Variants in BCAS3 observed in about 807,000 individuals in gnomAD.
BCAS3 encodes BCAS3 microtubule associated cell migration factor.
BCAS3 carries 53 observed loss-of-function variants against 116.1 expected under a neutral mutation model. The ratio of observed to expected loss-of-function variants is 0.46; its 90% confidence interval spans 0.37 to 0.57. The LOEUF (loss-of-function observed/expected upper bound fraction) is 0.57, where lower values mean the gene tolerates loss of function less well. Among genes scored for constraint, BCAS3 ranks in the 20% least tolerant of loss-of-function variants. The pLI, the probability that BCAS3 is intolerant of heterozygous loss-of-function variation, is 0.00. For missense variants in BCAS3, 917 were observed against 1,165.4 expected (o/e 0.79, Z 3.10); for synonymous variants, 391 against 408.2 (o/e 0.96, Z 0.51).
rs1233260081 is a variant in BCAS3, at chr17:61,205,072, C to T, written c.2425+120508C>T. On this transcript the variant is annotated intron_variant, in intron 22 of 23. Transcript: ENST00000407086. This position sits in a 1 kb window ranked among gnomAD's most constrained non-coding sequence, Gnocchi z 5.2. Reference sequence around the variant, plus strand: ...TGACAGGATAAAAATTTAGGGAGGCCGATTCCATCTGCAATCAAAAGCTAA... The same window carrying T: ...TGACAGGATAAAAATTTAGGGAGGCTGATTCCATCTGCAATCAAAAGCTAA... 6.6e-6 allele frequency among the ~76,000 whole-genome samples: 1 copy of T among 151,680 alleles called. No individual in the cohort carries two copies. Among genetic ancestry groups the T allele is most frequent in the Non-Finnish European group, 1.5e-5 (1 of 67,942 alleles).
chr17:60,992,189 T>TCCACACACACAC (rs1555654103), intron 15 of BCAS3, among the ~76,000 whole-genome samples: 3 of 130,728 alleles, frequency 2.3e-5, no homozygotes, highest in South Asian at 2.7e-4. Context: ...TCCGATGACT[T>TCCACACACACAC]ACACACACAC....
At chr17:60,982,027 G>T (rs1234807920) in intron 14 of BCAS3, among the ~76,000 whole-genome samples, 1 of 152,082 alleles carries the variant, frequency 6.6e-6, no homozygotes, top group Admixed American at 6.6e-5. Context: ...ATGCACAAAT[G>T]TGTATATGTA....
intron 7 of BCAS3, among the ~76,000 whole-genome samples, chr17:60,814,306 T>TGTGTGTGTGCGCGTGCGC (rs368289350): frequency 7.3e-4 from 109 of 148,300 alleles, no homozygotes; most frequent in African/African-American, 2.7e-3. Flanking sequence ...TGTGTGTGTG[T>TGTGTGTGTGCGCGTGCGC]GCGCGCGTGC....
At chr17:61,185,655 A>G (rs2079725322) in intron 22 of BCAS3, among the ~76,000 whole-genome samples, 1 of 152,166 alleles carries the variant, frequency 6.6e-6, no homozygotes, top group South Asian at 2.1e-4. Flanking sequence ...TGTGTGCAAG[A>G]CAGAAAAAAA....
chr17:60,881,042 T>TCAGCTCA (rs2056089842), intron 9 of BCAS3, among the ~76,000 whole-genome samples: 4 of 152,188 alleles, frequency 2.6e-5, no homozygotes, highest in African/African-American at 9.7e-5. Context: ...TGGTGCGATC[T>TCAGCTCA]CAGCTCACTG....
chr17:61,176,401 A>G (rs1282323517), intron 22 of BCAS3, among the ~76,000 whole-genome samples: 2 of 150,642 alleles, frequency 1.3e-5, no homozygotes, highest in African/African-American at 2.4e-5. Flanking sequence ...ACTCAGTGAT[A>G]TAATTTTTAT....
At chr17:61,011,739 C>G (rs535627456) in intron 15 of BCAS3, among the ~76,000 whole-genome samples, 105 of 152,100 alleles carry the variant, frequency 6.9e-4, no homozygotes, top group African/African-American at 2.2e-3. Context: ...TTGTTAGATT[C>G]TAGCTGAATT....
Position 61,004,389 on chromosome 17 carries a change from G to GA in BCAS3, c.1487-11357dup, listed in dbSNP as rs575869078. Among the ~76,000 whole-genome samples the GA allele has an allele frequency of 3.4e-4, 51 of 151,676 alleles. No individual in the cohort carries two copies. The East Asian group carries it at 8.9e-3, about 27-fold the overall frequency. ...AAATGTTTTTTTTTTTTAATTTGGAGAAAAATTGGAGAGGGAGAAGAGAGT... is the reference window on the plus strand; with the variant it reads ...AAATGTTTTTTTTTTTTAATTTGGAGAAAAAATTGGAGAGGGAGAAGAGAGT... On this transcript the variant is annotated intron_variant, in intron 15 of 23. Coordinates refer to ENST00000407086, the MANE Select transcript of BCAS3 (RefSeq NM_017679.5). The surrounding 1 kb of genome is among the most constrained non-coding windows in gnomAD (Gnocchi z 4.8).
At position 61,088,514 on chromosome 17, in the gene BCAS3, G is replaced by A. The variant is rs1454220228; in HGVS notation, c.2425+3950G>A. ...TTCTATTCTTTGTACCTTATAACCT[G>A]TGCCCTTCTTTTGATAAAGATGTAG... is the stretch of plus-strand genomic sequence containing the variant. On this transcript the variant is annotated intron_variant, in intron 22 of 23. Coordinates refer to ENST00000407086, the MANE Select transcript of BCAS3 (RefSeq NM_017679.5). The surrounding 1 kb of genome is among the most constrained non-coding windows in gnomAD (Gnocchi z 4.2). Among the ~76,000 whole-genome samples the A allele has an allele frequency of 6.6e-6, 1 of 152,170 alleles. No homozygotes were observed. The highest frequency in any genetic ancestry group is 2.4e-5 in the African/African-American group (1 of 41,438).
intron 3 of BCAS3, among the ~76,000 whole-genome samples, chr17:60,687,864 A>G (rs181626449): frequency 2.6e-5 from 4 of 152,306 alleles, no homozygotes; most frequent in African/African-American, 9.6e-5. Flanking sequence ...CACCATGTCC[A>G]CTAAGGAGAG....
At chr17:60,808,205 G>A (rs2048463022) in intron 7 of BCAS3, 129 bp downstream of exon 7, 5 of 658,346 alleles carry the variant, frequency 7.6e-6, no homozygotes, top group Non-Finnish European at 1.3e-5. Flanking sequence ...GAAGAAGAAA[G>A]TAAAACATAT....
chr17:60,743,920 C>T (rs181704729), intron 5 of BCAS3, among the ~76,000 whole-genome samples: 72 of 152,252 alleles, frequency 4.7e-4, no homozygotes, highest in Middle Eastern at 3.4e-3. Flanking sequence ...TTTCACCATG[C>T]GAAAGCTATT....
chr17:60,688,185 T>C (rs935916658), intron 3 of BCAS3: 1 of 152,124 alleles, frequency 6.6e-6, no homozygotes, highest in Non-Finnish European at 1.5e-5. Context: ...GAAAGGACAT[T>C]AGTGAGAAAG....
intron 22 of BCAS3, among the ~76,000 whole-genome samples, chr17:61,283,563 C>T (rs1001197490): frequency 6.6e-6 from 1 of 151,734 alleles, no homozygotes; most frequent in Non-Finnish European, 1.5e-5. Context: ...ACGCCATTCT[C>T]CTGCCTCAGC....
At chr17:61,018,802 CTG>C (rs781519056) in intron 16 of BCAS3, among the ~76,000 whole-genome samples, 69 of 152,292 alleles carry the variant, frequency 4.5e-4, no homozygotes, top group Non-Finnish European at 7.9e-4. Context: ...TCTTATATAA[CTG>C]TAGTACAGTT....
At chr17:61,052,824 C>T (rs1461069237) in intron 19 of BCAS3, among the ~76,000 whole-genome samples, 1 of 150,032 alleles carries the variant, frequency 6.7e-6, no homozygotes, top group African/African-American at 2.4e-5. Flanking sequence ...ATCAAGTGAT[C>T]CTCCTGCCTC....
chr17:61,361,594 C>T lies in BCAS3; in HGVS notation c.2426-6733C>T, dbSNP rs1031310224. 2 of 151,716 alleles carry T rather than the reference C, an allele frequency of 1.3e-5. No individual in the cohort carries two copies. The allele number at this position is 151,716 out of a possible 1,614,324, so 9.4% of individuals were successfully genotyped here. A position where few individuals can be genotyped will look rare whatever the true frequency, so the allele number is the denominator to read the frequency against. On this transcript the variant is annotated intron_variant, in intron 22 of 23. Coordinates refer to ENST00000407086, the MANE Select transcript of BCAS3 (RefSeq NM_017679.5). The surrounding 1 kb of genome is among the most constrained non-coding windows in gnomAD (Gnocchi z 6.5). ...GTGGTATATATAATATATCTGTGGA[C>T]ACATCTGATGGCTAATTATATGAGC...
intron 22 of BCAS3, among the ~76,000 whole-genome samples, chr17:61,119,531 T>C (rs2075673112): frequency 6.6e-6 from 1 of 152,092 alleles, no homozygotes; most frequent in African/African-American, 2.4e-5. Context: ...ATGTCTTCTT[T>C]AAATAATAAA....
chr17:60,870,040 C>T (rs758388683), intron 8 of BCAS3, among the ~76,000 whole-genome samples: 4 of 152,126 alleles, frequency 2.6e-5, no homozygotes, highest in Admixed American at 2.0e-4. Context: ...GAAAATTAAT[C>T]GCAAAATATG....
Sources: allele counts gnomAD v4.1 joint callset (sites outside exome capture counted in the v4.1 genomes callset), GRCh38; gene constraint gnomAD v4.1.1; non-coding constraint Gnocchi (gnomAD v3.1); transcripts MANE v1.5; gene names NCBI Gene and HGNC (gene_info 2026-07-23, HGNC 2026-07-21).